The following DNAH5 variants were observed in gnomAD, a reference collection of about 807,000 sequenced individuals.
The protein encoded by DNAH5 is dynein axonemal heavy chain 5, also known as axonemal beta dynein heavy chain 5.
Under a neutral mutation model 518.2 loss-of-function variants are expected in DNAH5, and 372 were observed. The observed-to-expected ratio is 0.72, with a 90% CI of 0.66 to 0.78. The LOEUF (loss-of-function observed/expected upper bound fraction) is 0.78. DNAH5 is among the 30% of genes least tolerant of loss of function. The pLI is 0.00. For synonymous variants in DNAH5, 2,039 were observed against 2,025.9 expected, an observed-to-expected ratio of 1.01 and a Z score of -0.17; for missense variants, 5,523 against 5,687.0, an observed-to-expected ratio of 0.97 and a Z score of 0.93.
At chr5:13,764,512 C>G (rs549517432) in intron 59 of DNAH5, among the ~76,000 whole-genome samples, 2 of 152,254 alleles carry the variant, frequency 1.3e-5, no homozygotes, top group East Asian at 3.9e-4. Context: ...ATTAAGCCAA[C>G]AATAATAAGA....
chr5:13,808,246 A>AAAAAAAAAAAAG (rs1377994954), intron 46 of DNAH5, among the ~76,000 whole-genome samples: 36 of 143,762 alleles, frequency 2.5e-4, no homozygotes, highest in African/African-American at 9.8e-4. Flanking sequence ...AAAAAAAAAA[A>AAAAAAAAAAAAG]AAGAGGAAAT....
intron 35 of DNAH5, among the ~76,000 whole-genome samples, chr5:13,837,447 G>A (rs1028788323): frequency 2.6e-5 from 4 of 152,126 alleles, no homozygotes; most frequent in Non-Finnish European, 4.4e-5. Flanking sequence ...AGGAAATCCT[G>A]GAGTCAGTGG....
In DNAH5 at chr5:13,758,843, T is replaced by C; in HGVS notation, c.10419+3A>G. The stretch of plus-strand genomic sequence containing the variant: ...AGTCCCTGCCATGACAAAGGGCAGT[T>C]ACCTGCTTTTCAGTCATGGCCTGTT... On this transcript the variant is annotated splice_donor_region_variant and intron_variant, in intron 61 of 78. Coordinates refer to ENST00000265104, the MANE Select transcript of DNAH5 (RefSeq NM_001369.3). 1.2e-6 allele frequency: 2 copies of C among 1,614,158 alleles called. No homozygotes were observed. Among genetic ancestry groups the C allele is most frequent in the Non-Finnish European group, 1.7e-6 (2 of 1,180,006 alleles).
intron 39 of DNAH5, 143 bp downstream of exon 39, chr5:13,824,051 ATAATT>A: frequency 2.4e-6 from 2 of 826,198 alleles, no homozygotes; most frequent in Non-Finnish European, 3.9e-6. Flanking sequence ...CTGAAAAAGT[ATAATT>A]TAAAGTGATG....
At chr5:13,948,066 A>G (rs973700621), upstream of DNAH5, among the ~76,000 whole-genome samples, 6 of 152,214 alleles carry the variant, frequency 3.9e-5, no homozygotes, top group African/African-American at 7.2e-5. Flanking sequence ...CAACAATACC[A>G]GGAAGTTACA....
At chr5:13,843,933 T>TTA (rs3058924) in intron 32 of DNAH5, among the ~76,000 whole-genome samples, 60,847 of 151,938 alleles carry the variant, frequency 0.4, 12,552 homozygotes, top group East Asian at 0.61. Flanking sequence ...CTCTTGAGTG[T>TTA]AGTACATAAA....
chr5:13,852,680 G>C (rs1266191537), intron 30 of DNAH5, among the ~76,000 whole-genome samples: 1 of 152,142 alleles, frequency 6.6e-6, no homozygotes. Context: ...CCAGCTTGGT[G>C]GGGGGAGGGG....
chr5:13,819,444 A>T (rs1761936593), intron 41 of DNAH5, among the ~76,000 whole-genome samples: 1 of 152,110 alleles, frequency 6.6e-6, no homozygotes, highest in Non-Finnish European at 1.5e-5. Context: ...AATACTGGCA[A>T]TCCTCAGCAA....
At chr5:13,959,780 C>G (rs1458433267) in intron 1 of DNAH5, among the ~76,000 whole-genome samples, 1 of 152,148 alleles carries the variant, frequency 6.6e-6, no homozygotes, top group African/African-American at 2.4e-5. Context: ...CCAGCCTGAC[C>G]AACATGGTGA....
intron 32 of DNAH5, among the ~76,000 whole-genome samples, chr5:13,842,508 A>AAGAACAGAAAGAAAGAAAGAAAAAG (rs1561408253): frequency 1.1e-5 from 1 of 87,718 alleles, no homozygotes; most frequent in Non-Finnish European, 2.4e-5. Context: ...GAAAGAAAGA[A>AAGAACAGAAAGAAAGAAAGAAAAAG]AAAGAAAGAA....
intron 65 of DNAH5, among the ~76,000 whole-genome samples, chr5:13,745,329 C>T (rs1333570809): frequency 6.6e-6 from 1 of 152,032 alleles, no homozygotes. Flanking sequence ...CTCACAGGTG[C>T]ATCAGATAAA....
rs70964506 is a variant in DNAH5, at chr5:13,778,598, G to GAAAGAAAGAAAGAAAGAAAGAA, written c.8952-1244_8952-1243insTTCTTTCTTTCTTTCTTTCTTT. Among the ~76,000 whole-genome samples, 191 of 140,172 alleles carry GAAAGAAAGAAAGAAAGAAAGAA rather than the reference G, an allele frequency of 1.4e-3. 1 individual carries two copies. The highest frequency in any genetic ancestry group is 9.4e-3 in the East Asian group (40 of 4,274). 92.0% of individuals were successfully genotyped at this position (140,172 alleles called of 152,430 possible). A position where few individuals can be genotyped will look rare whatever the true frequency, so the allele number is the denominator to read the frequency against. ...AGAAAGAAAGAAAGAAAGAAAGAAA[G>GAAAGAAAGAAAGAAAGAAAGAA]AGAGAGAGAAAGAAAAAGAAAGAAA... On this transcript the variant is annotated intron_variant, in intron 53 of 78. Coordinates refer to ENST00000265104, the MANE Select transcript of DNAH5 (RefSeq NM_001369.3).
intron 57 of DNAH5, 108 bp from the exon 58 acceptor site, chr5:13,769,244 GTTGTTTTTT>G: frequency 1.1e-6 from 1 of 879,242 alleles, no homozygotes; most frequent in Non-Finnish European, 1.6e-6. Context: ...ACCCAGTTTT[GTTGTTTTTT>G]TTTTTTTTTT....
In DNAH5 at chr5:13,832,169, A is replaced by G. The variant is rs115044112; in HGVS notation, c.5883-1394T>C. The stretch of plus-strand genomic sequence containing the variant: ...TTAAAAACTGAAAAAAAAAGATTAA[A>G]TAAAATACCAAACACAAAAAAGGGA... On this transcript the variant is annotated intron_variant, in intron 35 of 78. Transcript: ENST00000265104. Among the ~76,000 whole-genome samples the G allele has an allele frequency of 6.1e-3, 933 of 152,370 alleles. 6 individuals carry two copies. Among genetic ancestry groups the G allele is most frequent in the African/African-American group, 0.021 (876 of 41,594 alleles).
intron 1 of DNAH5, among the ~76,000 whole-genome samples, chr5:13,986,087 A>T (rs192844165): frequency 6.0e-4 from 92 of 152,336 alleles, no homozygotes; most frequent in Middle Eastern, 3.4e-3. Flanking sequence ...GCCCACCAGC[A>T]AGAGACCTGG....
At chr5:13,981,470 G>A (rs779287397) in intron 1 of DNAH5, among the ~76,000 whole-genome samples, 1 of 152,318 alleles carries the variant, frequency 6.6e-6, no homozygotes, top group Non-Finnish European at 1.5e-5. Context: ...GGAACTTCAG[G>A]TAGACTCACA....
chr5:13,729,803 C>T (rs941478878), intron 68 of DNAH5, among the ~76,000 whole-genome samples: 4 of 152,170 alleles, frequency 2.6e-5, no homozygotes, highest in African/African-American at 9.7e-5. Context: ...TCTGTCCTAG[C>T]TTCCCCTGGA....
intron 76 of DNAH5, among the ~76,000 whole-genome samples, chr5:13,705,092 C>T (rs142477386): frequency 2.6e-5 from 4 of 151,948 alleles, no homozygotes; most frequent in African/African-American, 9.7e-5. Flanking sequence ...CCCAGGTTCA[C>T]GCCATTCTCC....
At chr5:13,892,486 G>A (rs11948657) in intron 16 of DNAH5, among the ~76,000 whole-genome samples, 90,641 of 151,964 alleles carry the variant, frequency 0.6, 27,627 homozygotes, top group African/African-American at 0.71. Context: ...TTAAAATCCA[G>A]CTGCACTTGA....
Sources: allele counts gnomAD v4.1 joint callset (sites outside exome capture counted in the v4.1 genomes callset), GRCh38; gene constraint gnomAD v4.1.1; transcripts MANE v1.5; gene names NCBI Gene and HGNC (gene_info 2026-07-23, HGNC 2026-07-21).